The following PHF24 variants were observed in gnomAD, a reference collection of about 807,000 sequenced individuals.
PHF24 encodes PHD finger protein 24, also known as Galpha inhibitory interacting protein.
Under a neutral mutation model 42.6 loss-of-function variants are expected in PHF24, and 25 were observed. The observed-to-expected ratio is 0.59, with a 90% CI of 0.43 to 0.82. The LOEUF (loss-of-function observed/expected upper bound fraction) is 0.82, where lower values mean the gene tolerates loss of function less well. PHF24 is among the 40% of genes least tolerant of loss of function. The pLI, the probability that PHF24 is intolerant of heterozygous loss-of-function variation, is 0.00. For missense variants in PHF24, 470 were observed against 538.1 expected, an observed-to-expected ratio of 0.87 and a Z score of 1.25; for synonymous variants, 185 against 204.8, an observed-to-expected ratio of 0.90 and a Z score of 0.83.
chr9:34,672,787 T>C, the PHF24 span, among the ~76,000 whole-genome samples: 2 of 152,190 alleles, frequency 1.3e-5, no homozygotes, highest in East Asian at 1.9e-4. Flanking sequence ...TGGGATTAAA[T>C]TTCTTTTATT....
At chr9:34,797,058 C>T in the PHF24 span, among the ~76,000 whole-genome samples, 1 of 152,220 alleles carries the variant, frequency 6.6e-6, no homozygotes, top group African/African-American at 2.4e-5. Context: ...CTGAGTGAAA[C>T]GAGTCTGCCT....
the PHF24 span, among the ~76,000 whole-genome samples, chr9:34,879,929 AATATTAAGGGT>A: frequency 2.5e-4 from 38 of 152,234 alleles, no homozygotes; most frequent in Non-Finnish European, 5.0e-4. Flanking sequence ...TGAAGGAAAA[AATATTAAGGGT>A]AGCCAGAGAG....
chr9:34,977,717 C>T (rs1827252099), intron 7 of PHF24, 76 bp downstream of exon 7: 9 of 1,224,734 alleles, frequency 7.3e-6, no homozygotes, highest in Non-Finnish European at 1.1e-5. Context: ...GAGGGCATTA[C>T]CCACTCCCAC....
At chr9:34,837,331 T>C in the PHF24 span, 1 of 364,124 alleles carries the variant, frequency 2.7e-6, no homozygotes, top group African/African-American at 2.1e-5. Context: ...ACAACCATAC[T>C]GTGAGTGAGA....
the PHF24 span, among the ~76,000 whole-genome samples, chr9:34,716,550 G>A: frequency 6.5e-5 from 9 of 138,298 alleles, no homozygotes; most frequent in East Asian, 1.8e-3. Flanking sequence ...CTCCTTTTTT[G>A]TTTGTTTTGT....
chr9:34,897,017 G>T, the PHF24 span, among the ~76,000 whole-genome samples: 1 of 152,098 alleles, frequency 6.6e-6, no homozygotes, highest in South Asian at 2.1e-4. Context: ...TTAGCCAAGT[G>T]TAGTGCTGGG....
the PHF24 span, among the ~76,000 whole-genome samples, chr9:34,742,053 TC>T: frequency 6.6e-6 from 1 of 152,200 alleles, no homozygotes; most frequent in Non-Finnish European, 1.5e-5. Context: ...CTTTGGAGAT[TC>T]CTTTTCCATT....
chr9:34,859,881 A>G, the PHF24 span, among the ~76,000 whole-genome samples: 3 of 151,294 alleles, frequency 2.0e-5, no homozygotes, highest in African/African-American at 7.3e-5. Context: ...ATACCCTTAT[A>G]TTTTTCAAGT....
At chr9:34,697,415 G>A in the PHF24 span, among the ~76,000 whole-genome samples, 52 of 152,248 alleles carry the variant, frequency 3.4e-4, no homozygotes, top group Middle Eastern at 3.4e-3. Flanking sequence ...CACCTCCTGG[G>A]TTCAAGCGAT....
At chr9:34,747,802 A>G in the PHF24 span, among the ~76,000 whole-genome samples, 1 of 152,204 alleles carries the variant, frequency 6.6e-6, no homozygotes, top group East Asian at 1.9e-4. Flanking sequence ...TGCTAGATTT[A>G]TACTCAAGAG....
chr9:34,934,099 TTGAG>T, the PHF24 span, among the ~76,000 whole-genome samples: 1 of 152,164 alleles, frequency 6.6e-6, no homozygotes, highest in African/African-American at 2.4e-5. Context: ...AGTAAAATTA[TTGAG>T]TAAGACAATG....
At chr9:34,775,471 T>C in the PHF24 span, among the ~76,000 whole-genome samples, 1 of 152,190 alleles carries the variant, frequency 6.6e-6, no homozygotes, top group African/African-American at 2.4e-5. Flanking sequence ...GTGGTGATGG[T>C]TGTACAGCAG....
At chr9:34,723,686 G>C in the PHF24 span, 10 of 1,551,672 alleles carry the variant, frequency 6.4e-6, no homozygotes, top group Non-Finnish European at 7.8e-6. Context: ...GCCTTGCAAA[G>C]TTTGGCCCTG....
chr9:34,761,951 GT>G, the PHF24 span, among the ~76,000 whole-genome samples: 3 of 151,840 alleles, frequency 2.0e-5, no homozygotes, highest in Non-Finnish European at 2.9e-5. Flanking sequence ...GCGGTGTTTG[GT>G]TTTTTGTTCT....
the PHF24 span, among the ~76,000 whole-genome samples, chr9:34,783,972 A>G: frequency 8.5e-5 from 13 of 152,326 alleles, no homozygotes; most frequent in Non-Finnish European, 1.3e-4. Flanking sequence ...TTTCTGCTCT[A>G]TATTTTTTAG....
the PHF24 span, among the ~76,000 whole-genome samples, chr9:34,847,486 TAAG>T: frequency 1.3e-5 from 2 of 151,998 alleles, no homozygotes; most frequent in African/African-American, 4.8e-5. Context: ...CTTATCAGCT[TAAG>T]GAGATTTTGG....
the PHF24 span, among the ~76,000 whole-genome samples, chr9:34,916,194 A>C: frequency 6.6e-6 from 1 of 152,278 alleles, no homozygotes; most frequent in Non-Finnish European, 1.5e-5. Context: ...TATCACTATA[A>C]ATAGTGTTAT....
chr9:34,790,895 A>T, the PHF24 span, among the ~76,000 whole-genome samples: 1,015 of 152,246 alleles, frequency 6.7e-3, 9 homozygotes, highest in African/African-American at 0.022. Flanking sequence ...GAGGGGCAGG[A>T]ATAGCAAGCA....
exon 2 of PHF24, chr9:34,971,386 G>C: frequency 1.2e-6 from 2 of 1,614,190 alleles, no homozygotes; most frequent in South Asian, 2.2e-5. Context: ...TGGGCTGCGG[G>C]ACAGGCCTTC....
Sources: gnomAD v4.1 joint callset for allele counts (sites outside exome capture counted in the v4.1 genomes callset) on GRCh38, gnomAD v4.1.1 for gene constraint, MANE v1.5 for transcripts, NCBI Gene and HGNC (gene_info 2026-07-23, HGNC 2026-07-21) for gene names.